The following FBXO33 variants were observed in gnomAD, a reference collection of about 807,000 sequenced individuals.
FBXO33 encodes F-box only protein 33.
Under a neutral mutation model 46.3 loss-of-function variants are expected in FBXO33, and 22 were observed. That is an observed-to-expected ratio of 0.48 (90% CI 0.34 to 0.68). The LOEUF is 0.68. Ranked by LOEUF, FBXO33 falls within the 30% of genes least tolerant of loss-of-function variation. The probability of loss-of-function intolerance (pLI) is 0.01; values close to 1 mark genes in which losing one functional copy is unlikely to be tolerated. For synonymous variants in FBXO33, 337 were observed against 291.3 expected, an observed-to-expected ratio of 1.16 and a Z score of -1.60; for missense variants, 692 against 708.8, an observed-to-expected ratio of 0.98 and a Z score of 0.27.
In FBXO33 at chr14:39,432,057, G is replaced by A; in HGVS notation, c.106C>T (p.Arg36Ter). Residue 36 changes from arginine (R) to a stop codon, truncating the protein, a stop_gained, in exon 1 of 4, where the codon CGA becomes TGA. Coordinates refer to ENST00000298097, the MANE Select transcript of FBXO33 (RefSeq NM_203301.4). LOFTEE classifies it high-confidence loss of function. Reference protein sequence around the residue: ...RWRRLRLQQLRRLRGLLRVLR... With the variant: ...RWRRLRLQQL ...ACCCGGAGCAGCCCCCGCAGCCGTC[G>A]CAGCTGCTGCAGCCGCAGCCGCCGC... 3 of 1,203,036 alleles carry A rather than the reference G, an allele frequency of 2.5e-6. No individual in the cohort carries two copies. Among genetic ancestry groups the A allele is most frequent in the South Asian group, 3.3e-5 (1 of 30,476 alleles). 74.5% of individuals were successfully genotyped at this position (1,203,036 alleles called of 1,614,324 possible).
chr14:39,418,074 A>ATTC (rs2075458119), intron 1 of FBXO33, among the ~76,000 whole-genome samples: 1 of 150,566 alleles, frequency 6.6e-6, no homozygotes, highest in South Asian at 2.1e-4. Flanking sequence ...TATTATTATT[A>ATTC]TTTTTTTGAG....
Position 39,398,582 on chromosome 14 carries a change from T to C in FBXO33, c.*934A>G, listed in dbSNP as rs1268122602. ...TTAAATATTACAATCTAGCAGTATC[T>C]GGCTGGCCAGAGTGGGCCGGCCCCT... On this transcript the variant is annotated 3_prime_UTR_variant, in exon 4 of 4. Coordinates refer to ENST00000298097, the MANE Select transcript of FBXO33 (RefSeq NM_203301.4). 6.6e-6 allele frequency: 1 copy of C among 152,438 alleles called. No individual in the cohort carries two copies. Among genetic ancestry groups the C allele is most frequent in the Non-Finnish European group, 1.5e-5 (1 of 67,992 alleles). 9.4% of individuals were successfully genotyped at this position (152,438 alleles called of 1,614,324 possible).
intron 1 of FBXO33, 30 bp downstream of exon 1, chr14:39,431,534 C>CGGGCG: frequency 1.2e-6 from 2 of 1,606,914 alleles, no homozygotes; most frequent in South Asian, 1.1e-5. Flanking sequence ...CCCCCGTTAC[C>CGGGCG]GGGCGGGGCG....
In FBXO33 at chr14:39,432,217, G is replaced by A. The variant is rs1011645082; in HGVS notation, c.-55C>T. The A allele has an allele frequency of 6.8e-6, 8 of 1,181,680 alleles. No homozygotes were observed. Among genetic ancestry groups the A allele is most frequent in the Non-Finnish European group, 8.4e-6 (8 of 953,052 alleles). 73.2% of individuals were successfully genotyped at this position (1,181,680 alleles called of 1,614,324 possible). A position where few individuals can be genotyped will look rare whatever the true frequency, so the allele number is the denominator to read the frequency against. On this transcript the variant is annotated 5_prime_UTR_variant, in exon 1 of 4. Transcript: ENST00000298097. ...TCGTGGGTCTCGGCGGAACCAAGTA[G>A]AACACAAGTTGTGGAGAGGGGGAAA...
chr14:39,406,194 A>G (rs574983404), intron 1 of FBXO33, among the ~76,000 whole-genome samples: 2 of 152,256 alleles, frequency 1.3e-5, no homozygotes, highest in East Asian at 3.9e-4. Flanking sequence ...AAAAAATTAA[A>G]GGCTTCTAAA....
At chr14:39,411,711 C>G (rs1043540116) in intron 1 of FBXO33, among the ~76,000 whole-genome samples, 7 of 152,032 alleles carry the variant, frequency 4.6e-5, no homozygotes, top group South Asian at 4.1e-4. Context: ...TTAGTAGAGA[C>G]AGGGTTTCAC....
At position 39,399,357 on chromosome 14, in the gene FBXO33, C is replaced by T; in HGVS notation, c.*159G>A. On this transcript the variant is annotated 3_prime_UTR_variant, in exon 4 of 4. Coordinates refer to ENST00000298097, the MANE Select transcript of FBXO33 (RefSeq NM_203301.4). ...TTTGAACTTCTAAACCAATACCCGA[C>T]TACGTTCTTTGATCAAGAAGTAGAA... The T allele has an allele frequency of 3.1e-6, 2 of 635,912 alleles. No homozygotes were observed. The highest frequency in any genetic ancestry group is 5.1e-6 in the Non-Finnish European group (2 of 395,568). The allele number at this position is 635,912 out of a possible 1,614,324, so 39.4% of individuals were successfully genotyped here.
At chr14:39,431,463 T>C in intron 1 of FBXO33, 101 bp downstream of exon 1, 2 of 1,564,354 alleles carry the variant, frequency 1.3e-6, no homozygotes, top group African/African-American at 1.3e-5. Flanking sequence ...AAGGCAACAC[T>C]GAAGTTGGCC....
chr14:39,414,815 C>T (rs2075439844), intron 1 of FBXO33, among the ~76,000 whole-genome samples: 1 of 152,178 alleles, frequency 6.6e-6, no homozygotes, highest in African/African-American at 2.4e-5. Context: ...GTGCACACCA[C>T]TATGCCCAGC....
chr14:39,418,729 C>G (rs529875641), intron 1 of FBXO33, among the ~76,000 whole-genome samples: 3 of 148,688 alleles, frequency 2.0e-5, no homozygotes, highest in Non-Finnish European at 3.0e-5. Flanking sequence ...GAGCCGAGAT[C>G]GCGCCACTGC....
intron 1 of FBXO33, among the ~76,000 whole-genome samples, chr14:39,418,785 A>G (rs1032528993): frequency 7.4e-6 from 1 of 135,078 alleles, no homozygotes; most frequent in Admixed American, 7.3e-5. Flanking sequence ...AAAAAAAAAA[A>G]AAAACAAAAA....
At chr14:39,419,911 C>A (rs1190870246) in intron 1 of FBXO33, among the ~76,000 whole-genome samples, 1 of 152,138 alleles carries the variant, frequency 6.6e-6, no homozygotes, top group Non-Finnish European at 1.5e-5. Flanking sequence ...TGTGAAATAT[C>A]ACAAAGTCAT....
At chr14:39,418,222 C>A (rs1037497200) in intron 1 of FBXO33, among the ~76,000 whole-genome samples, 1 of 151,376 alleles carries the variant, frequency 6.6e-6, no homozygotes, top group African/African-American at 2.4e-5. Flanking sequence ...TGCCACCACA[C>A]CCGGCTAATT....
In FBXO33 at chr14:39,431,857, G is replaced by C; in HGVS notation, c.306C>G (p.Leu102=). The C allele has an allele frequency of 2.5e-6, 4 of 1,593,724 alleles. 1 individual carries two copies. Among genetic ancestry groups the C allele is most frequent in the South Asian group, 2.2e-5 (2 of 89,746 alleles). The part of the protein sequence containing the change: ...SASCSHWREC[L]FYPALWPQLR... The stretch of plus-strand genomic sequence containing the variant: ...GCTGGGGCCACAGGGCCGGATAGAA[G>C]AGGCACTCACGCCAGTGCGAGCAGG... The change falls in exon 1 of 4, where the codon CTC becomes CTG. Residue 102 remains leucine, a synonymous_variant. Transcript: ENST00000298097.
At position 39,432,173 on chromosome 14, in the gene FBXO33, G is replaced by C; in HGVS notation, c.-11C>G. 8.1e-7 allele frequency: 1 copy of C among 1,228,918 alleles called. No homozygotes were observed. Among genetic ancestry groups the C allele is most frequent in the Non-Finnish European group, 1.0e-6 (1 of 984,374 alleles). 76.1% of individuals were successfully genotyped at this position (1,228,918 alleles called of 1,614,324 possible). A position where few individuals can be genotyped will look rare whatever the true frequency, so the allele number is the denominator to read the frequency against. On this transcript the variant is annotated 5_prime_UTR_variant, in exon 1 of 4. Coordinates refer to ENST00000298097, the MANE Select transcript of FBXO33 (RefSeq NM_203301.4). ...CAAGAACAACAACATCAATGACTAG[G>C]AAGAAGGGGGCGGAACCGTCGTGGG...
At chr14:39,413,305 C>T (rs1357604347) in intron 1 of FBXO33, among the ~76,000 whole-genome samples, 1 of 152,220 alleles carries the variant, frequency 6.6e-6, no homozygotes, top group Non-Finnish European at 1.5e-5. Flanking sequence ...CTCATGCATT[C>T]CAGTTTTATG....
chr14:39,400,977 TG>T (rs2075365973), intron 3 of FBXO33, among the ~76,000 whole-genome samples, 198 bp downstream of exon 3: 1 of 152,210 alleles, frequency 6.6e-6, no homozygotes, highest in Non-Finnish European at 1.5e-5. Flanking sequence ...ACAGGGAAGC[TG>T]GAGCAGAACA....
chr14:39,401,679 G>A lies in FBXO33; in HGVS notation c.893C>T (p.Thr298Ile), dbSNP rs1389281487. The change falls in exon 3 of 4, where the codon ACT (threonine) becomes ATT (isoleucine). Residue 298 changes from threonine to isoleucine, a missense_variant. Coordinates refer to ENST00000298097, the MANE Select transcript of FBXO33 (RefSeq NM_203301.4). ...NNIPGNSTLI[T>I]AVELERFVNL... ...CACAAATCGCTCCAGTTCAACTGCA[G>A]TAATAAGAGTGCTGTTACCAGGAAT... The A allele has an allele frequency of 6.8e-6, 11 of 1,614,234 alleles. No individual in the cohort carries two copies. Among genetic ancestry groups the A allele is most frequent in the South Asian group, 1.1e-5 (1 of 91,090 alleles).
At chr14:39,412,930 T>A (rs2075430484) in intron 1 of FBXO33, among the ~76,000 whole-genome samples, 1 of 152,286 alleles carries the variant, frequency 6.6e-6, no homozygotes, top group Admixed American at 6.5e-5. Context: ...CAAGTTGTAA[T>A]CTTTGGCTGA....
Sources: allele counts gnomAD v4.1 joint callset (sites outside exome capture counted in the v4.1 genomes callset), GRCh38; gene constraint gnomAD v4.1.1; transcripts MANE v1.5; gene names NCBI Gene and HGNC (gene_info 2026-07-23, HGNC 2026-07-21).